FXN: variants seen among roughly 807,000 people sequenced by gnomAD.
FXN encodes frataxin, mitochondrial.
A neutral mutation model predicts 22.4 loss-of-function variants in FXN; 14 were observed. That is an observed-to-expected ratio of 0.62 (90% confidence interval 0.41 to 0.98). The LOEUF (loss-of-function observed/expected upper bound fraction) is 0.98, where lower values mean the gene tolerates loss of function less well. Among genes scored for constraint, FXN ranks in the 50% least tolerant of loss-of-function variants. The probability of loss-of-function intolerance (pLI) is 0.00; values close to 1 mark genes in which losing one functional copy is unlikely to be tolerated. For missense variants in FXN, 267 were observed against 268.4 expected, an observed-to-expected ratio of 0.99 and a Z score of 0.04; for synonymous variants, 120 against 114.1, an observed-to-expected ratio of 1.05 and a Z score of -0.33.
At chr9:69,060,484 C>T (rs2133121130) in intron 3 of FXN, among the ~76,000 whole-genome samples, 1 of 152,292 alleles carries the variant, frequency 6.6e-6, no homozygotes, top group East Asian at 1.9e-4. Flanking sequence ...TAAGGGCATG[C>T]ACACTCCCAA....
At chr9:69,052,069 A>G (rs1022380966) in intron 2 of FXN, among the ~76,000 whole-genome samples, 4 of 151,426 alleles carry the variant, frequency 2.6e-5, no homozygotes, top group African/African-American at 7.3e-5. Flanking sequence ...GCTGGTCTTG[A>G]ACTCCTGACC....
chr9:69,038,965 C>G (rs898762839), intron 1 of FXN, among the ~76,000 whole-genome samples: 4 of 152,054 alleles, frequency 2.6e-5, no homozygotes, highest in Non-Finnish European at 5.9e-5. Flanking sequence ...ACTTAAATGT[C>G]TCCTAGGCTG....
At chr9:69,065,974 C>G (rs1832159220) in intron 4 of FXN, among the ~76,000 whole-genome samples, 1 of 152,184 alleles carries the variant, frequency 6.6e-6, no homozygotes, top group Non-Finnish European at 1.5e-5. Flanking sequence ...TTTAATCCCT[C>G]CTGCCTTTTC....
intron 2 of FXN, among the ~76,000 whole-genome samples, chr9:69,052,127 C>A (rs530112108): frequency 6.6e-6 from 1 of 150,626 alleles, no homozygotes; most frequent in African/African-American, 2.4e-5. Context: ...GGATTACAGG[C>A]GTGAGCCACC....
rs78126462 is a variant in FXN, at chr9:69,067,895, G to A, written c.482+2860G>A. Among the ~76,000 whole-genome samples, 348 of 152,344 alleles carry A rather than the reference G, an allele frequency of 2.3e-3. 1 individual carries two copies. Among genetic ancestry groups the A allele is most frequent in the African/African-American group, 8.0e-3 (334 of 41,570 alleles). On this transcript the variant is annotated intron_variant, in intron 4 of 4. Transcript: ENST00000484259. ...TCACAGATGTGAATATGCAGGTCCA[G>A]TGGGGAAAGTGACATGTCCTAAGTC...
intron 3 of FXN, among the ~76,000 whole-genome samples, chr9:69,054,073 C>T (rs763516609): frequency 2.4e-4 from 37 of 152,180 alleles, no homozygotes; most frequent in African/African-American, 7.7e-4. Context: ...GGCGCAATCT[C>T]GGCTCACTGC....
chr9:69,074,348 T>C lies in FXN; in HGVS notation c.*1586T>C, dbSNP rs1296829185. ...TAAAATTCATGCAAAGTTATGCTCA[T>C]GTTATATTATTTTCTTACTTAAAGA... On this transcript the variant is annotated 3_prime_UTR_variant, in exon 5 of 5. Coordinates refer to ENST00000484259, the MANE Select transcript of FXN (RefSeq NM_000144.5). The C allele has an allele frequency of 2.0e-6, 2 of 985,268 alleles. No individual in the cohort carries two copies. Among genetic ancestry groups the C allele is most frequent in the African/African-American group, 3.5e-5 (2 of 57,314 alleles). 61.0% of individuals were successfully genotyped at this position (985,268 alleles called of 1,614,324 possible). A position where few individuals can be genotyped will look rare whatever the true frequency, so the allele number is the denominator to read the frequency against.
intron 1 of FXN, 97 bp downstream of exon 1, chr9:69,036,044 G>A: frequency 1.8e-6 from 2 of 1,093,836 alleles, no homozygotes; most frequent in South Asian, 4.0e-5. Context: ...GGGTCGCTCC[G>A]GGTACGCGCG....
intron 3 of FXN, among the ~76,000 whole-genome samples, chr9:69,056,611 G>A (rs1309055908): frequency 3.9e-5 from 6 of 152,258 alleles, no homozygotes; most frequent in Admixed American, 2.0e-4. Flanking sequence ...AGGATGACAG[G>A]GCAAGACCCT....
At chr9:69,053,797 G>T (rs1831905053) in intron 3 of FXN, among the ~76,000 whole-genome samples, 1 of 152,178 alleles carries the variant, frequency 6.6e-6, no homozygotes, top group Non-Finnish European at 1.5e-5. Context: ...AGATTACAAA[G>T]ACTTGAGCCC....
rs76751766 is a variant in FXN, at chr9:69,059,785, C to A, written c.385-5153C>A. On this transcript the variant is annotated intron_variant, in intron 3 of 4. Transcript: ENST00000484259. ...GGATTTGTATTTTCTTTCCAAGAGT[C>A]CTTAAGTGATATCTAACTTTTGCGA... Among the ~76,000 whole-genome samples the A allele has an allele frequency of 2.8e-3, 423 of 152,206 alleles. 3 individuals are homozygous for A. Among genetic ancestry groups the A allele is most frequent in the African/African-American group, 9.5e-3 (393 of 41,518 alleles).
At chr9:69,054,296 G>A (rs539573389) in intron 3 of FXN, among the ~76,000 whole-genome samples, 60 of 152,286 alleles carry the variant, frequency 3.9e-4, no homozygotes, top group Non-Finnish European at 6.0e-4. Context: ...CACCAGGTCC[G>A]GCCTGGTGTG....
Position 69,078,835 on chromosome 9 carries a change from C to T in FXN, c.*6073C>T. ...TCCACTCAGCCTCTGCCTGGATGCC[C>T]TTGATTGTTCCATGTCCTCAGCATA... is the stretch of plus-strand genomic sequence containing the variant. On this transcript the variant is annotated 3_prime_UTR_variant, in exon 5 of 5. Coordinates refer to ENST00000484259, the MANE Select transcript of FXN (RefSeq NM_000144.5). 1 of 985,808 alleles carries T rather than the reference C, an allele frequency of 1.0e-6. No individual in the cohort carries two copies. The highest frequency in any genetic ancestry group is 1.2e-6 in the Non-Finnish European group (1 of 830,242). 61.1% of individuals were successfully genotyped at this position (985,808 alleles called of 1,614,324 possible).
intron 3 of FXN, 103 bp downstream of exon 3, chr9:69,053,363 T>C: frequency 1.5e-6 from 2 of 1,372,858 alleles, no homozygotes; most frequent in South Asian, 1.2e-5. Context: ...AAGTAGCATG[T>C]AGTTGTAGGT....
At chr9:69,070,455 C>G (rs1258667176) in intron 4 of FXN, among the ~76,000 whole-genome samples, 1 of 152,142 alleles carries the variant, frequency 6.6e-6, no homozygotes, top group Non-Finnish European at 1.5e-5. Flanking sequence ...ACCAGGGCCA[C>G]CAGGAGGGAG....
At position 69,076,702 on chromosome 9, in the gene FXN, A is replaced by G; in HGVS notation, c.*3940A>G. On this transcript the variant is annotated 3_prime_UTR_variant, in exon 5 of 5. Coordinates refer to ENST00000484259, the MANE Select transcript of FXN (RefSeq NM_000144.5). ...AACCATGCAAGGTTGCCAAGGAAAAATCGCTTTACGCTTCCAAGGTACACA... is the reference window on the plus strand; with the variant it reads ...AACCATGCAAGGTTGCCAAGGAAAAGTCGCTTTACGCTTCCAAGGTACACA... The G allele has an allele frequency of 1.0e-6, 1 of 985,426 alleles. No homozygotes were observed. The highest frequency in any genetic ancestry group is 4.7e-5 in the South Asian group (1 of 21,288). 61.0% of individuals were successfully genotyped at this position (985,426 alleles called of 1,614,324 possible).
intron 2 of FXN, among the ~76,000 whole-genome samples, chr9:69,047,517 A>C (rs1431365012): frequency 6.6e-6 from 1 of 152,122 alleles, no homozygotes; most frequent in Non-Finnish European, 1.5e-5. Context: ...GTTCCTCCAC[A>C]AATCCCTGCT....
chr9:69,053,890 T>G (rs1165369540), intron 3 of FXN, among the ~76,000 whole-genome samples: 1 of 152,216 alleles, frequency 6.6e-6, no homozygotes, highest in East Asian at 1.9e-4. Context: ...GATTCTAATG[T>G]GTATCCCTAG....
chr9:69,064,949 A>C lies in FXN; in HGVS notation c.396A>C (p.Leu132Phe). Residue 132 changes from leucine (L) to phenylalanine (F), a missense_variant, in exon 4 of 5, where the codon TTA becomes TTC. By Grantham distance (22) the Leu-to-Phe change is conservative. Transcript: ENST00000484259. ...DYDVSFGSGV[L>F]TVKLGGDLGT... ...ACCTAATCCCCTAGAGTGGTGTCTTAACTGTCAAACTGGGTGGAGATCTAG... is the reference window on the plus strand; with the variant it reads ...ACCTAATCCCCTAGAGTGGTGTCTTCACTGTCAAACTGGGTGGAGATCTAG... The C allele has an allele frequency of 6.2e-7, 1 of 1,612,436 alleles. No individual in the cohort carries two copies. Among genetic ancestry groups the C allele is most frequent in the Non-Finnish European group, 8.5e-7 (1 of 1,178,468 alleles).
Sources: allele counts gnomAD v4.1 joint callset (sites outside exome capture counted in the v4.1 genomes callset), GRCh38; gene constraint gnomAD v4.1.1; transcripts MANE v1.5; gene names NCBI Gene and HGNC (gene_info 2026-07-23, HGNC 2026-07-21).